The following DGKB variants were observed in gnomAD, a reference collection of about 807,000 sequenced individuals.
DGKB encodes 90 kDa diacylglycerol kinase.
DGKB carries 67 observed loss-of-function variants against 114.3 expected under a neutral mutation model. The observed-to-expected ratio is 0.59, with a 90% CI of 0.48 to 0.72. The LOEUF (loss-of-function observed/expected upper bound fraction) is 0.72. Ranked by LOEUF, DGKB falls within the 30% of genes least tolerant of loss-of-function variation. The pLI, the probability that DGKB is intolerant of heterozygous loss-of-function variation, is 0.00. For missense variants in DGKB, 907 were observed against 975.2 expected (o/e 0.93, Z 0.93); for synonymous variants, 398 against 323.1 (o/e 1.23, Z -2.49).
chr7:14,859,109 A>G (rs955429983), intron 1 of DGKB, among the ~76,000 whole-genome samples: 3 of 152,140 alleles, frequency 2.0e-5, no homozygotes, highest in Non-Finnish European at 4.4e-5. Context: ...GGAGCAAAAG[A>G]GAGAACAGGA....
chr7:14,744,995 T>C (rs1038566174), intron 4 of DGKB, among the ~76,000 whole-genome samples: 21 of 152,132 alleles, frequency 1.4e-4, no homozygotes, highest in African/African-American at 5.1e-4. Flanking sequence ...TGACATCTGA[T>C]AGGAGTAAAT....
At chr7:14,709,941 A>G (rs542438524) in intron 6 of DGKB, among the ~76,000 whole-genome samples, 24 of 151,168 alleles carry the variant, frequency 1.6e-4, no homozygotes, top group African/African-American at 5.6e-4. Flanking sequence ...CAATGTGCAC[A>G]TGTACCCTAA....
chr7:14,754,378 A>G (rs1416855927), intron 3 of DGKB, among the ~76,000 whole-genome samples: 1 of 152,220 alleles, frequency 6.6e-6, no homozygotes, highest in Non-Finnish European at 1.5e-5. Context: ...TAACAGAAAT[A>G]TAACCATCTA....
chr7:14,638,124 C>T (rs1307110337), intron 13 of DGKB, among the ~76,000 whole-genome samples: 1 of 151,920 alleles, frequency 6.6e-6, no homozygotes, highest in East Asian at 1.9e-4. Flanking sequence ...TGAAAATGTT[C>T]CCTTTATATT....
At chr7:14,960,449 T>C (rs891650925) in intron 1 of DGKB, among the ~76,000 whole-genome samples, 22 of 152,212 alleles carry the variant, frequency 1.4e-4, no homozygotes, top group African/African-American at 5.1e-4. Flanking sequence ...CTTTATTTTT[T>C]ACTGTTTTAC....
At chr7:14,842,668 G>A (rs568656874) in intron 1 of DGKB, among the ~76,000 whole-genome samples, 1 of 152,248 alleles carries the variant, frequency 6.6e-6, no homozygotes. Flanking sequence ...CTGGTTACAG[G>A]CAGTTTTGGT....
chr7:14,505,038 G>A (rs537877427), intron 20 of DGKB, among the ~76,000 whole-genome samples: 7 of 152,256 alleles, frequency 4.6e-5, no homozygotes, highest in South Asian at 2.1e-4. Flanking sequence ...AAAGCTCTAC[G>A]GTGCTATCTC....
chr7:14,710,387 T>C (rs1827159890), intron 6 of DGKB, among the ~76,000 whole-genome samples: 1 of 152,146 alleles, frequency 6.6e-6, no homozygotes, highest in African/African-American at 2.4e-5. Context: ...TAAACACACT[T>C]ATTAATTCAA....
intron 2 of DGKB, among the ~76,000 whole-genome samples, chr7:14,791,461 G>A (rs2215431): frequency 0.36 from 54,885 of 151,872 alleles, 11,283 homozygotes; most frequent in African/African-American, 0.57. Context: ...ATGTTGAATT[G>A]AAAAAGGGAT....
intron 1 of DGKB, among the ~76,000 whole-genome samples, chr7:14,952,117 C>T (rs954902923): frequency 6.6e-6 from 1 of 151,840 alleles, no homozygotes; most frequent in Admixed American, 6.6e-5. Flanking sequence ...AAAATTTGGA[C>T]ACATACATAT....
At chr7:14,656,911 G>C (rs1452526596) in intron 13 of DGKB, among the ~76,000 whole-genome samples, 1 of 151,474 alleles carries the variant, frequency 6.6e-6, no homozygotes, top group East Asian at 1.9e-4. Context: ...ACTAGACCCT[G>C]TTTATAATTA....
chr7:14,727,337 T>A (rs555652602), intron 5 of DGKB, among the ~76,000 whole-genome samples: 1 of 152,116 alleles, frequency 6.6e-6, no homozygotes, highest in Non-Finnish European at 1.5e-5. Context: ...AGAGAAATCA[T>A]CCCTTACTGG....
intron 20 of DGKB, among the ~76,000 whole-genome samples, chr7:14,506,414 T>A (rs994036694): frequency 6.6e-6 from 1 of 152,156 alleles, no homozygotes; most frequent in Non-Finnish European, 1.5e-5. Context: ...TATGTAGCTA[T>A]AAAACATTTA....
At chr7:14,506,257 T>C (rs1787039072) in intron 20 of DGKB, among the ~76,000 whole-genome samples, 1 of 152,128 alleles carries the variant, frequency 6.6e-6, no homozygotes, top group African/African-American at 2.4e-5. Flanking sequence ...ACATAAAGGA[T>C]GTTGTCTTGA....
intron 23 of DGKB, among the ~76,000 whole-genome samples, chr7:14,319,290 TA>T (rs71033987): frequency 6.7e-6 from 1 of 150,272 alleles, no homozygotes; most frequent in Middle Eastern, 3.4e-3. Context: ...AGTATAATAA[TA>T]AAAAAAAATA....
intron 2 of DGKB, among the ~76,000 whole-genome samples, chr7:14,790,463 A>G (rs1446963452): frequency 6.6e-6 from 1 of 150,998 alleles, no homozygotes; most frequent in East Asian, 1.9e-4. Flanking sequence ...CATTTTGTTT[A>G]ATTTTTCTGA....
chr7:14,829,436 G>T (rs1277115583), intron 2 of DGKB, among the ~76,000 whole-genome samples: 1 of 152,106 alleles, frequency 6.6e-6, no homozygotes, highest in East Asian at 1.9e-4. Context: ...ACACTGGAAG[G>T]TTTTAGATAC....
At chr7:14,176,629 A>G in intron 25 of DGKB, 1 of 1,298,030 alleles carries the variant, frequency 7.7e-7, no homozygotes, top group Non-Finnish European at 9.8e-7. Context: ...AGGCTAACAC[A>G]AACATTCAAG....
At chr7:14,415,896 A>C (rs538111868) in intron 21 of DGKB, among the ~76,000 whole-genome samples, 2,924 of 152,188 alleles carry the variant, frequency 0.019, 79 homozygotes, top group African/African-American at 0.067. Context: ...TACAGTGTAA[A>C]AGTGTTCCTA....
Sources: allele counts gnomAD v4.1 joint callset (sites outside exome capture counted in the v4.1 genomes callset), GRCh38; gene constraint gnomAD v4.1.1; transcripts MANE v1.5; gene names NCBI Gene and HGNC (gene_info 2026-07-23, HGNC 2026-07-21).